The following ADAMTS6 variants were observed in gnomAD, a reference collection of about 807,000 sequenced individuals.
ADAMTS6 encodes the protein ADAM metallopeptidase with thrombospondin type 1 motif 6, also known as A disintegrin and metalloproteinase with thrombospondin motifs 6.
A neutral mutation model predicts 144.3 loss-of-function variants in ADAMTS6; 23 were observed. That is an observed-to-expected ratio of 0.16 (90% CI 0.11 to 0.23). ADAMTS6 has a LOEUF of 0.23. Among genes scored for constraint, ADAMTS6 ranks in the 10% least tolerant of loss-of-function variants. The pLI is 1.00. For synonymous variants in ADAMTS6, 444 were observed against 457.5 expected, an observed-to-expected ratio of 0.97 and a Z score of 0.38; for missense variants, 999 against 1,379.6, an observed-to-expected ratio of 0.72 and a Z score of 4.37.
chr5:65,460,706 T>C (rs1314063638), intron 3 of ADAMTS6, among the ~76,000 whole-genome samples: 1 of 152,180 alleles, frequency 6.6e-6, no homozygotes, highest in Non-Finnish European at 1.5e-5. Flanking sequence ...GTGATTGAGT[T>C]TTGCACAATA....
chr5:65,481,848 T>C lies in ADAMTS6; in HGVS notation c.-785A>G, dbSNP rs1323683110. ...TTGTTGAAGTAGCCCTAGATCTCAC[T>C]ACCGGCCCCCAGCCAACTTGAATTG... On this transcript the variant is annotated 5_prime_UTR_variant, in exon 1 of 25. Coordinates refer to ENST00000381055, the MANE Select transcript of ADAMTS6 (RefSeq NM_197941.4). The C allele has an allele frequency of 6.6e-6, 1 of 152,494 alleles. No homozygotes were observed. Among genetic ancestry groups the C allele is most frequent in the Non-Finnish European group, 1.5e-5 (1 of 68,314 alleles). The allele number at this position is 152,494 out of a possible 1,614,324, so 9.4% of individuals were successfully genotyped here.
chr5:65,179,189 T>C (rs1754176061), intron 22 of ADAMTS6, among the ~76,000 whole-genome samples: 1 of 152,178 alleles, frequency 6.6e-6, no homozygotes, highest in South Asian at 2.1e-4. Flanking sequence ...GAGGACTGTT[T>C]CCAGTGTATA....
At chr5:65,280,138 C>T (rs909200040) in intron 11 of ADAMTS6, among the ~76,000 whole-genome samples, 9 of 152,152 alleles carry the variant, frequency 5.9e-5, no homozygotes, top group African/African-American at 2.2e-4. Context: ...TTTTTTGCCT[C>T]ATTAAAGCAT....
At chr5:65,242,929 A>C (rs952061151) in intron 14 of ADAMTS6, among the ~76,000 whole-genome samples, 2 of 152,110 alleles carry the variant, frequency 1.3e-5, no homozygotes, top group African/African-American at 4.8e-5. Flanking sequence ...TGTTCCTTCT[A>C]TTCAGAAATG....
chr5:65,211,898 C>G (rs1040781786), intron 20 of ADAMTS6, among the ~76,000 whole-genome samples: 2 of 152,116 alleles, frequency 1.3e-5, no homozygotes, highest in African/African-American at 2.4e-5. Flanking sequence ...ACTTATTGGG[C>G]CCCTACTATG....
intron 7 of ADAMTS6, among the ~76,000 whole-genome samples, chr5:65,395,166 C>G (rs1015475772): frequency 1.3e-5 from 2 of 152,112 alleles, no homozygotes; most frequent in Non-Finnish European, 2.9e-5. Context: ...GTGTGTGCCA[C>G]TCTCTAAGGA....
intron 13 of ADAMTS6, 107 bp downstream of exon 13, chr5:65,262,709 TA>T: frequency 1.5e-6 from 2 of 1,319,100 alleles, no homozygotes; most frequent in South Asian, 1.8e-5. Flanking sequence ...TGAAGACAAG[TA>T]CTTGGCTCAC....
chr5:65,336,687 TA>T, intron 7 of ADAMTS6, among the ~76,000 whole-genome samples: 2 of 152,118 alleles, frequency 1.3e-5, no homozygotes, highest in Non-Finnish European at 2.9e-5. Context: ...ATCAAGCTTA[TA>T]AAATAAGGAA....
intron 15 of ADAMTS6, among the ~76,000 whole-genome samples, chr5:65,232,487 T>C (rs1215540456): frequency 1.3e-5 from 2 of 150,286 alleles, no homozygotes; most frequent in South Asian, 2.1e-4. Context: ...GAGAAAAGCC[T>C]CAAATAAAAA....
intron 7 of ADAMTS6, among the ~76,000 whole-genome samples, chr5:65,383,683 G>C (rs1399129824): frequency 3.9e-5 from 6 of 152,084 alleles, no homozygotes; most frequent in Admixed American, 3.9e-4. Flanking sequence ...TTCCTCTACT[G>C]CTCTGGGGTG....
At chr5:65,380,249 A>G (rs1751924774) in intron 7 of ADAMTS6, among the ~76,000 whole-genome samples, 2 of 152,078 alleles carry the variant, frequency 1.3e-5, no homozygotes, top group Admixed American at 1.3e-4. Flanking sequence ...GGAATTAACA[A>G]CTAGCACTTT....
At chr5:65,443,840 A>G (rs926004846) in intron 7 of ADAMTS6, among the ~76,000 whole-genome samples, 4 of 151,758 alleles carry the variant, frequency 2.6e-5, no homozygotes, top group Non-Finnish European at 5.9e-5. Context: ...GACAAAGCGC[A>G]TCAACAAAGA....
At chr5:65,230,681 TATATATAACACATATGTATGAA>T (rs1188757012) in intron 15 of ADAMTS6, among the ~76,000 whole-genome samples, 64 of 103,428 alleles carry the variant, frequency 6.2e-4, no homozygotes, top group African/African-American at 1.3e-3. Flanking sequence ...ATGTATGAAA[TATATATAACACATATGTATGAA>T]ATATATATAA....
At chr5:65,268,920 T>A (rs2112633371) in intron 12 of ADAMTS6, among the ~76,000 whole-genome samples, 1 of 152,268 alleles carries the variant, frequency 6.6e-6, no homozygotes, top group African/African-American at 2.4e-5. Flanking sequence ...CCCTCCCTTT[T>A]AAAAAAAGAT....
chr5:65,196,969 G>A, intron 21 of ADAMTS6, 53 bp downstream of exon 21: 1 of 1,580,692 alleles, frequency 6.3e-7, no homozygotes, highest in South Asian at 1.2e-5. Flanking sequence ...AATACATAAT[G>A]TTTTTCTCTT....
chr5:65,239,762 C>A (rs979969887), intron 15 of ADAMTS6, among the ~76,000 whole-genome samples: 7 of 151,902 alleles, frequency 4.6e-5, no homozygotes, highest in Admixed American at 4.6e-4. Flanking sequence ...TATATGAAAA[C>A]GTGCTTAACA....
intron 12 of ADAMTS6, among the ~76,000 whole-genome samples, chr5:65,265,129 C>A (rs1181460414): frequency 6.6e-6 from 1 of 151,974 alleles, no homozygotes; most frequent in African/African-American, 2.4e-5. Context: ...TTAACATTTC[C>A]TTGGCTGTAG....
intron 7 of ADAMTS6, among the ~76,000 whole-genome samples, chr5:65,372,317 G>A (rs981214218): frequency 1.1e-4 from 17 of 151,770 alleles, no homozygotes; most frequent in African/African-American, 4.1e-4. Flanking sequence ...CTGGCAAATT[G>A]GATAAAGAGT....
At chr5:65,380,111 T>C (rs916398069) in intron 7 of ADAMTS6, among the ~76,000 whole-genome samples, 2 of 152,076 alleles carry the variant, frequency 1.3e-5, no homozygotes, top group African/African-American at 4.8e-5. Context: ...AAAAATAGTA[T>C]AAATCAGAAC....
Sources: allele counts gnomAD v4.1 joint callset (sites outside exome capture counted in the v4.1 genomes callset), GRCh38; gene constraint gnomAD v4.1.1; transcripts MANE v1.5; gene names NCBI Gene and HGNC (gene_info 2026-07-23, HGNC 2026-07-21).